DNAJC6: variants seen among roughly 807,000 people sequenced by gnomAD.
DNAJC6 encodes auxilin.
DNAJC6 carries 34 observed loss-of-function variants against 110.0 expected under a neutral mutation model. That is an observed-to-expected ratio of 0.31 (90% CI 0.24 to 0.41). The LOEUF (loss-of-function observed/expected upper bound fraction) is 0.41. Ranked by LOEUF, DNAJC6 falls within the 10% of genes least tolerant of loss-of-function variation. DNAJC6 has a pLI of 1.00. For missense variants in DNAJC6, 1,031 were observed against 1,207.8 expected (o/e 0.85, Z 2.17); for synonymous variants, 406 against 437.2 (o/e 0.93, Z 0.89).
intron 1 of DNAJC6, among the ~76,000 whole-genome samples, chr1:65,323,264 C>A (rs892904834): frequency 1.3e-5 from 2 of 152,166 alleles, no homozygotes; most frequent in African/African-American, 4.8e-5. Flanking sequence ...ATTGTAATCC[C>A]CATTTGTCGG....
rs766621588 is a variant in DNAJC6 at position 65,386,875 on chromosome 1, G to A, written c.1059G>A (p.Val353=). The part of the protein sequence containing the change: ...IPLNITVQGD[V]VVSMYHLRST... ...TGAACATCACTGTGCAAGGAGACGT[G>A]GTTGTTTCCATGTATCACTTGAGGT... Residue 353 remains valine (V), a synonymous_variant, in exon 8 of 19, where the codon GTG becomes GTA. Coordinates refer to ENST00000371069, the MANE Select transcript of DNAJC6 (RefSeq NM_001256864.2). 9.9e-6 allele frequency: 16 copies of A among 1,614,130 alleles called. No homozygotes were observed. Among genetic ancestry groups the A allele is most frequent in the Admixed American group, 5.0e-5 (3 of 60,018 alleles).
At chr1:65,270,110 T>A (rs1300234855) in intron 1 of DNAJC6, among the ~76,000 whole-genome samples, 3 of 152,208 alleles carry the variant, frequency 2.0e-5, no homozygotes, top group Non-Finnish European at 4.4e-5. Flanking sequence ...GCAATGCCAC[T>A]TGTGTTTTAG....
At chr1:65,396,603 T>G (rs1645979120) in intron 13 of DNAJC6, among the ~76,000 whole-genome samples, 1 of 152,234 alleles carries the variant, frequency 6.6e-6, no homozygotes, top group South Asian at 2.1e-4. Context: ...GAGTCTACTC[T>G]GATTCCTCCG....
chr1:65,339,982 T>C (rs1469723995), intron 1 of DNAJC6, among the ~76,000 whole-genome samples: 1 of 152,190 alleles, frequency 6.6e-6, no homozygotes, highest in Non-Finnish European at 1.5e-5. Flanking sequence ...GTTGCACAAA[T>C]CACAATTTAA....
intron 5 of DNAJC6, 36 bp from the exon 6 acceptor site, chr1:65,384,157 C>A: frequency 7.1e-7 from 1 of 1,399,978 alleles, no homozygotes; most frequent in South Asian, 1.9e-5. Context: ...CTGATTTGAT[C>A]ATGTTCATAA....
chr1:65,285,317 C>G (rs946010633), intron 1 of DNAJC6, among the ~76,000 whole-genome samples: 1 of 152,100 alleles, frequency 6.6e-6, no homozygotes, highest in Admixed American at 6.5e-5. Flanking sequence ...TTGCTCAGAC[C>G]ATGTTCTTTT....
At chr1:65,278,977 C>T (rs1322195562) in intron 1 of DNAJC6, 1 of 985,272 alleles carries the variant, frequency 1.0e-6, no homozygotes, top group African/African-American at 1.7e-5. Flanking sequence ...TCCTCCATCC[C>T]CTTCCCCATG....
intron 1 of DNAJC6, among the ~76,000 whole-genome samples, chr1:65,321,974 T>C (rs1645201465): frequency 6.6e-6 from 1 of 152,182 alleles, no homozygotes; most frequent in African/African-American, 2.4e-5. Flanking sequence ...ACTGTAATTA[T>C]TGGTCTTAAA....
upstream of DNAJC6, among the ~76,000 whole-genome samples, chr1:65,306,010 A>G (rs529877671): frequency 6.6e-6 from 1 of 152,256 alleles, no homozygotes; most frequent in South Asian, 2.1e-4. Flanking sequence ...AGAGAGGTTA[A>G]GTAACTTGCC....
chr1:65,363,556 G>T (rs1485984349), intron 1 of DNAJC6, among the ~76,000 whole-genome samples: 2 of 152,178 alleles, frequency 1.3e-5, no homozygotes, highest in African/African-American at 4.8e-5. Context: ...ATAGGCTGGA[G>T]CAGTGGTTTT....
rs41301082 is a variant in DNAJC6, at chr1:65,414,565, G to A, written c.*1540G>A. ...AAGCGGCATGTCAAAAATACTTTAG[G>A]TTCTACATAGATCTCTTTCTCTCTT... On this transcript the variant is annotated 3_prime_UTR_variant, in exon 19 of 19. Coordinates refer to ENST00000371069, the MANE Select transcript of DNAJC6 (RefSeq NM_001256864.2). 0.024 allele frequency: 3,708 copies of A among 152,530 alleles called. 64 individuals carry two copies. Among genetic ancestry groups the A allele is most frequent in the Non-Finnish European group, 0.037 (2,501 of 67,992 alleles). 9.4% of individuals were successfully genotyped at this position (152,530 alleles called of 1,614,324 possible).
intron 1 of DNAJC6, among the ~76,000 whole-genome samples, chr1:65,299,701 A>C (rs1248716222): frequency 2.0e-5 from 3 of 152,150 alleles, no homozygotes; most frequent in African/African-American, 4.8e-5. Flanking sequence ...GAGGTTATCA[A>C]ATTTGTCCAT....
At chr1:65,328,964 G>T (rs536786956) in intron 1 of DNAJC6, among the ~76,000 whole-genome samples, 1 of 152,182 alleles carries the variant, frequency 6.6e-6, no homozygotes, top group African/African-American at 2.4e-5. Flanking sequence ...TGGGTCAGGT[G>T]CTTCTTTGTG....
At position 65,300,498 on chromosome 1, in the gene DNAJC6, T is replaced by A. The variant is rs1387992563; in HGVS notation, c.-131+35566T>A. 2.0e-5 allele frequency among the ~76,000 whole-genome samples: 3 copies of A among 152,216 alleles called. No individual in the cohort carries two copies. The East Asian group carries it at 5.8e-4, about 29-fold the overall frequency. ...TTACAGAAAACTTGCATGTGGCAGG[T>A]CCAAGACATGAAAGAGACTGAAAAA... On this transcript the variant is annotated intron_variant, in intron 1 of 19. Transcript: ENST00000263441.
At chr1:65,316,964 T>C (rs1452602085) in intron 1 of DNAJC6, among the ~76,000 whole-genome samples, 3 of 151,950 alleles carry the variant, frequency 2.0e-5, no homozygotes, top group Admixed American at 2.0e-4. Flanking sequence ...TCAAAATGTA[T>C]ACAATTTTTT....
chr1:65,410,469 A>G (rs1257510442), intron 17 of DNAJC6, among the ~76,000 whole-genome samples: 1 of 152,234 alleles, frequency 6.6e-6, no homozygotes, highest in East Asian at 1.9e-4. Flanking sequence ...CCTATAAAAG[A>G]AAGCTGTTTA....
At chr1:65,376,772 A>AT (rs1432908594) in intron 4 of DNAJC6, among the ~76,000 whole-genome samples, 2 of 128,728 alleles carry the variant, frequency 1.6e-5, no homozygotes, top group African/African-American at 3.7e-5. Flanking sequence ...TATTTATTTT[A>AT]TTTATTTATT....
chr1:65,364,365 C>T (rs553339676), intron 1 of DNAJC6, among the ~76,000 whole-genome samples: 2 of 152,042 alleles, frequency 1.3e-5, no homozygotes, highest in Non-Finnish European at 2.9e-5. Context: ...TTCAGGCGCT[C>T]AATTGTTACA....
chr1:65,401,688 C>T, intron 14 of DNAJC6, 73 bp from the exon 15 acceptor site: 3 of 1,564,708 alleles, frequency 1.9e-6, no homozygotes, highest in African/African-American at 1.4e-5. Context: ...TAAACAGTAA[C>T]TCTGGAATTC....
Sources: allele counts gnomAD v4.1 joint callset (sites outside exome capture counted in the v4.1 genomes callset), GRCh38; gene constraint gnomAD v4.1.1; transcripts MANE v1.5; gene names NCBI Gene and HGNC (gene_info 2026-07-23, HGNC 2026-07-21).